Variants in DPP6 observed in about 807,000 individuals in gnomAD.
DPP6 encodes A-type potassium channel modulatory protein DPP6.
Under a neutral mutation model 122.6 loss-of-function variants are expected in DPP6, and 69 were observed. The observed-to-expected ratio is 0.56, with a 90% CI of 0.46 to 0.69. The LOEUF (loss-of-function observed/expected upper bound fraction) is 0.69. Ranked by LOEUF, DPP6 falls within the 30% of genes least tolerant of loss-of-function variation. DPP6 has a pLI of 0.00. For synonymous variants in DPP6, 418 were observed against 433.1 expected (o/e 0.97, Z 0.43); for missense variants, 928 against 1,116.9 (o/e 0.83, Z 2.41).
chr7:153,944,028 C>T (rs762151260), intron 1 of DPP6, among the ~76,000 whole-genome samples: 1 of 152,204 alleles, frequency 6.6e-6, no homozygotes, highest in Non-Finnish European at 1.5e-5. Context: ...TGAGCATCTG[C>T]TGTGTTCATG....
At chr7:154,540,301 G>A (rs970140423) in intron 3 of DPP6, among the ~76,000 whole-genome samples, 6 of 152,096 alleles carry the variant, frequency 3.9e-5, no homozygotes, top group Admixed American at 1.3e-4. Context: ...AAAGGTTTTC[G>A]GTGTGTGCGC....
chr7:154,067,684 T>G (rs923939516), intron 1 of DPP6, among the ~76,000 whole-genome samples: 1 of 152,152 alleles, frequency 6.6e-6, no homozygotes, highest in African/African-American at 2.4e-5. Flanking sequence ...TCTGCTTCCA[T>G]TTCAGTATTT....
chr7:154,318,968 C>T (rs1487206998), intron 1 of DPP6, among the ~76,000 whole-genome samples: 2 of 152,224 alleles, frequency 1.3e-5, no homozygotes, highest in Admixed American at 6.5e-5. Context: ...ATCCAGCCTA[C>T]CCTCCTCTGC....
intron 3 of DPP6, among the ~76,000 whole-genome samples, chr7:154,525,285 A>G (rs1827311572): frequency 6.6e-6 from 1 of 152,218 alleles, no homozygotes. Flanking sequence ...CTGGGACTAC[A>G]GGCAAATACC....
intron 1 of DPP6, among the ~76,000 whole-genome samples, chr7:154,394,942 G>A (rs375979009): frequency 1.1e-4 from 16 of 152,304 alleles, no homozygotes; most frequent in South Asian, 4.1e-4. Context: ...TTGGGATTGC[G>A]ATAGAGATGG....
At chr7:154,416,972 T>G (rs1250174090) in intron 1 of DPP6, among the ~76,000 whole-genome samples, 1 of 152,194 alleles carries the variant, frequency 6.6e-6, no homozygotes, top group African/African-American at 2.4e-5. Context: ...TGTTTACAGT[T>G]TCACCTTGCT....
intron 1 of DPP6, among the ~76,000 whole-genome samples, chr7:154,422,305 G>T (rs1339449944): frequency 6.6e-6 from 1 of 152,196 alleles, no homozygotes; most frequent in African/African-American, 2.4e-5. Context: ...GAGCAAAAAG[G>T]ATCTGCAGGG....
intron 3 of DPP6, among the ~76,000 whole-genome samples, chr7:154,520,147 C>A (rs1414899486): frequency 6.6e-6 from 1 of 152,130 alleles, no homozygotes; most frequent in Admixed American, 6.5e-5. Flanking sequence ...TTAAAGTCAG[C>A]TCTCAGCAGC....
intron 1 of DPP6, among the ~76,000 whole-genome samples, chr7:154,036,875 G>T (rs1282971648): frequency 6.6e-6 from 1 of 152,142 alleles, no homozygotes. Flanking sequence ...GTCCCAGTGG[G>T]GAAGGTGATA....
intron 1 of DPP6, among the ~76,000 whole-genome samples, chr7:154,137,658 T>TGAG (rs1795633809): frequency 2.1e-5 from 1 of 48,418 alleles, no homozygotes; most frequent in African/African-American, 7.4e-5. Flanking sequence ...GGTGGGGGGG[T>TGAG]GGGGGGGGTG....
chr7:154,372,779 G>A (rs938619236), intron 1 of DPP6, among the ~76,000 whole-genome samples: 1 of 152,228 alleles, frequency 6.6e-6, no homozygotes, highest in African/African-American at 2.4e-5. Context: ...TGCTCTGTGA[G>A]GCACGTCCAG....
intron 1 of DPP6, among the ~76,000 whole-genome samples, chr7:154,380,068 A>G (rs1813459378): frequency 6.6e-6 from 1 of 152,240 alleles, no homozygotes; most frequent in African/African-American, 2.4e-5. Flanking sequence ...AAAAGTAATG[A>G]GGTTGAGGGG....
At position 154,877,609 on chromosome 7, in the gene DPP6, A is replaced by C. The variant is rs1805002179; in HGVS notation, c.2078+1509A>C. On this transcript the variant is annotated intron_variant, in intron 20 of 25. Coordinates refer to ENST00000377770, the MANE Select transcript of DPP6 (RefSeq NM_130797.4). The surrounding 1 kb of genome is among the most constrained non-coding windows in gnomAD (Gnocchi z 5.2). ...CCTCAGTCACGGGGTGGCCCTCAGTAGCACCTGGCTCCATGCTTCGTCATC... is the reference window on the plus strand; with the variant it reads ...CCTCAGTCACGGGGTGGCCCTCAGTCGCACCTGGCTCCATGCTTCGTCATC... 6.6e-6 allele frequency among the ~76,000 whole-genome samples: 1 copy of C among 152,118 alleles called. No individual in the cohort carries two copies. Among genetic ancestry groups the C allele is most frequent in the Non-Finnish European group, 1.5e-5 (1 of 68,022 alleles).
At chr7:154,627,570 T>C (rs550024532) in intron 5 of DPP6, among the ~76,000 whole-genome samples, 13 of 152,020 alleles carry the variant, frequency 8.6e-5, no homozygotes, top group Non-Finnish European at 1.8e-4. Flanking sequence ...TGGCAAGGAG[T>C]GCAGAAATGT....
the DPP6 span, among the ~76,000 whole-genome samples, chr7:153,849,885 A>C: frequency 6.6e-6 from 1 of 152,000 alleles, no homozygotes; most frequent in Admixed American, 6.6e-5. Context: ...AGTGTCTTTT[A>C]TTGAGTTAAA....
At position 154,545,861 on chromosome 7, in the gene DPP6, T is replaced by C. The variant is rs568284045; in HGVS notation, c.552+5235T>C. Among the ~76,000 whole-genome samples the C allele has an allele frequency of 2.1e-3, 326 of 152,316 alleles. 1 individual carries two copies. Among genetic ancestry groups the C allele is most frequent in the African/African-American group, 7.6e-3 (315 of 41,580 alleles). ...GAGTCACTGTATTGACCTGTGTCAC[T>C]CATACTGTATAGGCCCTTTTTATTG... is the stretch of plus-strand genomic sequence containing the variant. On this transcript the variant is annotated intron_variant, in intron 4 of 25. Transcript: ENST00000377770.
intron 4 of DPP6, among the ~76,000 whole-genome samples, chr7:154,555,931 T>C (rs1166035523): frequency 6.6e-6 from 1 of 152,230 alleles, no homozygotes; most frequent in Non-Finnish European, 1.5e-5. Flanking sequence ...TGTTAATTAT[T>C]TGAAAGTTGA....
At chr7:154,324,005 G>C (rs1039553831) in intron 1 of DPP6, among the ~76,000 whole-genome samples, 14 of 152,144 alleles carry the variant, frequency 9.2e-5, no homozygotes, top group African/African-American at 3.4e-4. Flanking sequence ...ATTTTCCAAT[G>C]ACACTTAAAA....
At chr7:154,439,816 G>T (rs1819206187) in intron 1 of DPP6, among the ~76,000 whole-genome samples, 2 of 152,316 alleles carry the variant, frequency 1.3e-5, no homozygotes, top group Admixed American at 1.3e-4. Context: ...GTGCCCTCAG[G>T]CAGCAACATC....
Sources: gnomAD v4.1 joint callset for allele counts (sites outside exome capture counted in the v4.1 genomes callset) on GRCh38, gnomAD v4.1.1 for gene constraint, Gnocchi (gnomAD v3.1) non-coding constraint, MANE v1.5 for transcripts, NCBI Gene and HGNC (gene_info 2026-07-23, HGNC 2026-07-21) for gene names.